AUTS2: variants seen among roughly 807,000 people sequenced by gnomAD.
AUTS2 encodes the protein autism susceptibility gene 2 protein.
A neutral mutation model predicts 112.4 loss-of-function variants in AUTS2; 17 were observed. The ratio of observed to expected loss-of-function variants is 0.15; its 90% confidence interval spans 0.10 to 0.23. AUTS2 has a LOEUF of 0.23. Among genes scored for constraint, AUTS2 ranks in the 10% least tolerant of loss-of-function variants. AUTS2 has a pLI of 1.00. For synonymous variants in AUTS2, 751 were observed against 702.7 expected (o/e 1.07, Z -1.09); for missense variants, 1,510 against 1,701.6 (o/e 0.89, Z 1.98).
intron 5 of AUTS2, among the ~76,000 whole-genome samples, chr7:70,446,894 A>C (rs955111034): frequency 5.9e-5 from 9 of 152,248 alleles, no homozygotes; most frequent in African/African-American, 2.2e-4. Context: ...GGGGATGTTT[A>C]TGTCTCTATA....
intron 5 of AUTS2, among the ~76,000 whole-genome samples, chr7:70,674,274 T>C (rs1341159285): frequency 6.6e-6 from 1 of 152,246 alleles, no homozygotes. Context: ...CATTTCTTTC[T>C]TTCTCTTTTT....
chr7:69,632,124 G>C lies in AUTS2; in HGVS notation c.309+32162G>C, dbSNP rs138098545. Among the ~76,000 whole-genome samples the C allele has an allele frequency of 5.9e-5, 9 of 152,344 alleles. No individual in the cohort carries two copies. In the East Asian group the frequency reaches 1.7e-3, roughly 29 times the overall value. On this transcript the variant is annotated intron_variant, in intron 1 of 18. Transcript: ENST00000342771. ...TCCTCTGGAGCTCAGGAGGATGTTAGAGGTCTTTGTTGTCAGTGAAATCTT... is the reference window on the plus strand; with the variant it reads ...TCCTCTGGAGCTCAGGAGGATGTTACAGGTCTTTGTTGTCAGTGAAATCTT...
intron 1 of AUTS2, among the ~76,000 whole-genome samples, chr7:69,877,610 T>TCCCTCC (rs968132623): frequency 5.9e-5 from 9 of 152,218 alleles, no homozygotes; most frequent in African/African-American, 2.2e-4. Context: ...TCTTGCCTCC[T>TCCCTCC]CCCTCCCACT....
chr7:70,042,274 T>C (rs1801282862), intron 2 of AUTS2, among the ~76,000 whole-genome samples: 1 of 144,320 alleles, frequency 6.9e-6, no homozygotes, highest in Non-Finnish European at 1.5e-5. Context: ...ATAGAGGAGA[T>C]ACATATTGAA....
At chr7:70,591,313 A>AC (rs1218336900) in intron 5 of AUTS2, among the ~76,000 whole-genome samples, 1 of 150,308 alleles carries the variant, frequency 6.7e-6, no homozygotes, top group Non-Finnish European at 1.5e-5. Flanking sequence ...TTGCTGGAGG[A>AC]AAGTTCCAAG....
At chr7:70,513,767 C>T (rs1024949391) in intron 5 of AUTS2, among the ~76,000 whole-genome samples, 1 of 149,644 alleles carries the variant, frequency 6.7e-6, no homozygotes, top group Non-Finnish European at 1.5e-5. Flanking sequence ...TCAAGTGATT[C>T]GCATGTCTCA....
chr7:70,060,710 C>T (rs983429861), intron 2 of AUTS2, among the ~76,000 whole-genome samples: 7 of 152,154 alleles, frequency 4.6e-5, no homozygotes, highest in African/African-American at 1.2e-4. Context: ...GCAAAACTTC[C>T]GGCATGGAAG....
intron 1 of AUTS2, among the ~76,000 whole-genome samples, chr7:69,846,105 T>C (rs980879837): frequency 1.3e-5 from 2 of 152,116 alleles, no homozygotes; most frequent in Non-Finnish European, 2.9e-5. Flanking sequence ...GGGATTTTTT[T>C]TTTTTGGTCT....
chr7:70,303,434 G>GCGCGCGCACA (rs1241517255), intron 4 of AUTS2, among the ~76,000 whole-genome samples: 200 of 142,042 alleles, frequency 1.4e-3, no homozygotes, highest in African/African-American at 4.5e-3. Context: ...GCGCGCGCGC[G>GCGCGCGCACA]CACATACACA....
intron 4 of AUTS2, among the ~76,000 whole-genome samples, chr7:70,149,288 G>C (rs747232177): frequency 3.3e-5 from 5 of 152,096 alleles, no homozygotes; most frequent in East Asian, 1.9e-4. Context: ...ATAAGTTTTA[G>C]GAGATAACTG....
At chr7:70,193,535 C>T (rs542886758) in intron 4 of AUTS2, among the ~76,000 whole-genome samples, 3 of 152,296 alleles carry the variant, frequency 2.0e-5, no homozygotes, top group Admixed American at 1.3e-4. Context: ...CCTAAAGTTA[C>T]ATAGCTCATG....
chr7:69,879,892 C>G (rs1172465601), intron 1 of AUTS2, among the ~76,000 whole-genome samples: 1 of 152,134 alleles, frequency 6.6e-6, no homozygotes, highest in African/African-American at 2.4e-5. Flanking sequence ...CTTGACTTCC[C>G]AGGCTTAGAC....
chr7:69,652,208 G>T (rs894505944), intron 1 of AUTS2, among the ~76,000 whole-genome samples: 1 of 151,946 alleles, frequency 6.6e-6, no homozygotes, highest in African/African-American at 2.4e-5. Flanking sequence ...AGGTGAGCAG[G>T]CATTTTAACT....
At chr7:69,617,189 A>G (rs1311979616) in intron 1 of AUTS2, among the ~76,000 whole-genome samples, 1 of 152,072 alleles carries the variant, frequency 6.6e-6, no homozygotes, top group Non-Finnish European at 1.5e-5. Context: ...TGATGAGAAA[A>G]AAAATTGATT....
chr7:69,907,076 C>T (rs928240340), intron 2 of AUTS2, among the ~76,000 whole-genome samples: 2 of 152,218 alleles, frequency 1.3e-5, no homozygotes, highest in Admixed American at 6.5e-5. Flanking sequence ...AACTGCACCC[C>T]AGCCTGGGCA....
chr7:69,936,904 G>A (rs554390321), intron 2 of AUTS2, among the ~76,000 whole-genome samples: 6 of 151,712 alleles, frequency 4.0e-5, no homozygotes, highest in Non-Finnish European at 5.9e-5. Context: ...TTTTCTTTCC[G>A]TCGTTCCTCC....
At chr7:69,685,192 T>C (rs1224436447) in intron 1 of AUTS2, among the ~76,000 whole-genome samples, 2 of 152,186 alleles carry the variant, frequency 1.3e-5, no homozygotes, top group East Asian at 1.9e-4. Context: ...AGTGGTTGAC[T>C]CCCTGTTCCT....
intron 1 of AUTS2, among the ~76,000 whole-genome samples, chr7:69,817,674 A>G (rs1790821662): frequency 6.6e-6 from 1 of 152,144 alleles, no homozygotes; most frequent in Non-Finnish European, 1.5e-5. Flanking sequence ...GATTATGAGT[A>G]GCAGAAGCGT....
chr7:70,784,324 G>A (rs1791289117), intron 15 of AUTS2: 1 of 152,390 alleles, frequency 6.6e-6, no homozygotes, highest in Admixed American at 6.5e-5. Flanking sequence ...AGTCCCCAGA[G>A]CAGCGTAGCC....
Sources: allele counts gnomAD v4.1 joint callset (sites outside exome capture counted in the v4.1 genomes callset), GRCh38; gene constraint gnomAD v4.1.1; transcripts MANE v1.5; gene names NCBI Gene and HGNC (gene_info 2026-07-23, HGNC 2026-07-21).